The following STX11 variants were observed in gnomAD, a reference collection of about 807,000 sequenced individuals.
The protein encoded by STX11 is syntaxin 11, also known as syntaxin-11.
A neutral mutation model predicts 19.9 loss-of-function variants in STX11; 21 were observed. The ratio of observed to expected loss-of-function variants is 1.06; its 90% CI spans 0.75 to 1.52. The LOEUF is 1.52. STX11 is among the 40% of genes most tolerant of loss of function. The pLI, the probability that STX11 is intolerant of heterozygous loss-of-function variation, is 0.00. For missense variants in STX11, 438 were observed against 405.9 expected, an observed-to-expected ratio of 1.08 and a Z score of -0.68; for synonymous variants, 193 against 174.4, an observed-to-expected ratio of 1.11 and a Z score of -0.84.
In STX11 at chr6:144,176,566, G is replaced by A. The variant is rs1241055377; in HGVS notation, c.-5-10057G>A. Among the ~76,000 whole-genome samples the A allele has an allele frequency of 6.6e-6, 1 of 152,128 alleles. No individual in the cohort carries two copies. Among genetic ancestry groups the A allele is most frequent in the East Asian group, 1.9e-4 (1 of 5,186 alleles). On this transcript the variant is annotated intron_variant, in intron 1 of 1. Transcript: ENST00000367568. The surrounding 1 kb of genome is among the most constrained non-coding windows in gnomAD (Gnocchi z 4.1). The stretch of plus-strand genomic sequence containing the variant: ...ACGCAGAAAGTTACTATTATAGAAT[G>A]TTTGCTTCTCGAATGTCTTTGCTTG...
At position 144,155,059 on chromosome 6, in the gene STX11, T is replaced by C. The variant is rs1310146442; in HGVS notation, c.-6+4356T>C. On this transcript the variant is annotated intron_variant, in intron 1 of 1. Transcript: ENST00000367568. This position sits in a 1 kb window ranked among gnomAD's most constrained non-coding sequence, Gnocchi z 4.5. Reference sequence around the variant, plus strand: ...TTGTTCAGCAATCAGGGACTAAGAATTGATCTAGGAAGAAACTGGAATAAT... The same window carrying C: ...TTGTTCAGCAATCAGGGACTAAGAACTGATCTAGGAAGAAACTGGAATAAT... 6.6e-6 allele frequency among the ~76,000 whole-genome samples: 1 copy of C among 152,178 alleles called. No individual in the cohort carries two copies. Among genetic ancestry groups the C allele is most frequent in the Non-Finnish European group, 1.5e-5 (1 of 68,032 alleles).
chr6:144,185,537 G>GAA (rs1562669310), intron 1 of STX11, among the ~76,000 whole-genome samples: 1 of 152,136 alleles, frequency 6.6e-6, no homozygotes, highest in Non-Finnish European at 1.5e-5. Flanking sequence ...GCCTTACTAA[G>GAA]CAGAGGAATT....
chr6:144,158,761 G>T (rs1270138527), intron 1 of STX11, among the ~76,000 whole-genome samples: 3 of 152,190 alleles, frequency 2.0e-5, no homozygotes, highest in Non-Finnish European at 2.9e-5. Flanking sequence ...ATGTAGGATG[G>T]TATATTATCT....
Position 144,186,972 on chromosome 6 carries a change from G to C in STX11, c.345G>C (p.Glu115Asp), listed in dbSNP as rs780990510. Residue 115 changes from glutamate to aspartate, a missense_variant, in exon 2 of 2, where the codon GAG becomes GAC. By Grantham distance (45) the Glu-to-Asp change is conservative. Coordinates refer to ENST00000367568, the MANE Select transcript of STX11 (RefSeq NM_003764.4). The stretch of plus-strand genomic sequence containing the variant: ...TGAAGGAGCTGAGCGAGGCGGCTGA[G>C]GCCCAGCACGGCCCGCACTCGGCAG... ...RAMKELSEAA[E>D]AQHGPHSAVA... 1 of 1,608,850 alleles carries C rather than the reference G, an allele frequency of 6.2e-7. No homozygotes were observed. Among genetic ancestry groups the C allele is most frequent in the Admixed American group, 1.7e-5 (1 of 59,946 alleles).
chr6:144,159,281 T>G lies in STX11; in HGVS notation c.-6+8578T>G, dbSNP rs1298484652. On this transcript the variant is annotated intron_variant, in intron 1 of 1. Coordinates refer to ENST00000367568, the MANE Select transcript of STX11 (RefSeq NM_003764.4). The surrounding 1 kb of genome is among the most constrained non-coding windows in gnomAD (Gnocchi z 4.3). The stretch of plus-strand genomic sequence containing the variant: ...GAAGCTTATGGGCAAGCAGAGAAGA[T>G]AAGTAACAATTGAATATGTTATCAA... Among the ~76,000 whole-genome samples the G allele has an allele frequency of 6.6e-6, 1 of 152,174 alleles. No homozygotes were observed. Among genetic ancestry groups the G allele is most frequent in the Non-Finnish European group, 1.5e-5 (1 of 68,024 alleles).
chr6:144,147,402 A>C (rs60762289), upstream of STX11, among the ~76,000 whole-genome samples: 2 of 152,124 alleles, frequency 1.3e-5, no homozygotes, highest in African/African-American at 2.4e-5. The surrounding 1 kb of genome is among the most constrained non-coding windows in gnomAD (Gnocchi z 4.2). Context: ...TTTTACAAAA[A>C]TTTTTTTAAT....
chr6:144,166,698 G>A (rs571880000), intron 1 of STX11, among the ~76,000 whole-genome samples: 4 of 151,742 alleles, frequency 2.6e-5, no homozygotes, highest in African/African-American at 9.7e-5. Flanking sequence ...GCTAATTTTT[G>A]TATTTTTAGT....
the STX11 span, among the ~76,000 whole-genome samples, chr6:144,144,514 A>C: frequency 6.6e-6 from 1 of 152,230 alleles, no homozygotes; most frequent in Non-Finnish European, 1.5e-5. Flanking sequence ...ACCAGAATCT[A>C]GAAAGTGCTG....
Position 144,186,991 on chromosome 6 carries a change from T to G in STX11, c.364T>G (p.Ser122Ala). The change falls in exon 2 of 2, where the codon TCG becomes GCG. Residue 122 changes from serine to alanine, a missense_variant. Ser to Ala is a moderately conservative substitution (Grantham distance 99, BLOSUM62 1). Transcript: ENST00000367568. ...EAAEAQHGPH[S>A]AVARISRAQY... ...GGCTGAGGCCCAGCACGGCCCGCAC[T>G]CGGCAGTGGCGCGCATTTCGCGGGC... The G allele has an allele frequency of 6.2e-7, 1 of 1,609,850 alleles. No homozygotes were observed. The highest frequency in any genetic ancestry group is 2.2e-5 in the East Asian group (1 of 44,860).
chr6:144,155,992 TTCTTTCTTTCTTTCTTTCTTTC>T lies in STX11; in HGVS notation c.-6+5293_-6+5314del, dbSNP rs1479017595. ...TTTCTTTCTTTCTTTCTTTCTTTCT[TTCTTTCTTTCTTTCTTTCTTTC>T]TCTCTTTCTCTCCTTCCTTCCTTCC... On this transcript the variant is annotated intron_variant, in intron 1 of 1. Coordinates refer to ENST00000367568, the MANE Select transcript of STX11 (RefSeq NM_003764.4). The surrounding 1 kb of genome is among the most constrained non-coding windows in gnomAD (Gnocchi z 4.5). Among the ~76,000 whole-genome samples, 108 of 130,880 alleles carry T rather than the reference TTCTTTCTTTCTTTCTTTCTTTC, an allele frequency of 8.3e-4. 1 individual carries two copies. The highest frequency in any genetic ancestry group is 3.8e-3 in the African/African-American group (100 of 26,142). The allele number at this position is 130,880 out of a possible 152,430, so 85.9% of individuals were successfully genotyped here. A position where few individuals can be genotyped will look rare whatever the true frequency, so the allele number is the denominator to read the frequency against.
rs985916505 is a variant in STX11 at position 144,172,252 on chromosome 6, C to A, written c.-5-14371C>A. Reference sequence around the variant, plus strand: ...GTAAACCTTCCACAACAGTCTCTGGCAGATAGTAAGCACCTGTGATTCTTC... The same window carrying A: ...GTAAACCTTCCACAACAGTCTCTGGAAGATAGTAAGCACCTGTGATTCTTC... On this transcript the variant is annotated intron_variant, in intron 1 of 1. Transcript: ENST00000367568. The surrounding 1 kb of genome is among the most constrained non-coding windows in gnomAD (Gnocchi z 4.2). Among the ~76,000 whole-genome samples, 3 of 152,194 alleles carry A rather than the reference C, an allele frequency of 2.0e-5. No individual in the cohort carries two copies. Among genetic ancestry groups the A allele is most frequent in the Non-Finnish European group, 4.4e-5 (3 of 68,040 alleles).
upstream of STX11, among the ~76,000 whole-genome samples, chr6:144,149,543 C>A (rs533035186): frequency 6.6e-6 from 1 of 152,338 alleles, no homozygotes; most frequent in Admixed American, 6.5e-5. The surrounding 1 kb of genome is among the most constrained non-coding windows in gnomAD (Gnocchi z 5.1). Flanking sequence ...GTGGCGCGAT[C>A]TCGGCTCACT....
In STX11 at chr6:144,190,877, A is replaced by G. The variant is rs1802195208; in HGVS notation, c.*3386A>G. 1.3e-5 allele frequency among the ~76,000 whole-genome samples: 2 copies of G among 152,124 alleles called. No homozygotes were observed. The highest frequency in any genetic ancestry group is 4.2e-4 in the South Asian group (2 of 4,814). On this transcript the variant is annotated 3_prime_UTR_variant, in exon 2 of 2. Coordinates refer to ENST00000367568, the MANE Select transcript of STX11 (RefSeq NM_003764.4). ...TTCACCAAAGCCCTTCCTGGCTCTG[A>G]CTGCCACACCAGGCAGTGGGTGAAA...
chr6:144,189,849 T>C lies in STX11; in HGVS notation c.*2358T>C, dbSNP rs1802169784. Among the ~76,000 whole-genome samples the C allele has an allele frequency of 6.6e-6, 1 of 152,216 alleles. No individual in the cohort carries two copies. The highest frequency in any genetic ancestry group is 6.5e-5 in the Admixed American group (1 of 15,286). ...ATCACCTTTGACTTAATTTGCTTTC[T>C]CTAAGGGAAAGGGGAAAAAATGTTC... is the stretch of plus-strand genomic sequence containing the variant. On this transcript the variant is annotated 3_prime_UTR_variant, in exon 2 of 2. Coordinates refer to ENST00000367568, the MANE Select transcript of STX11 (RefSeq NM_003764.4).
At chr6:144,185,736 C>T (rs910594738) in intron 1 of STX11, among the ~76,000 whole-genome samples, 1 of 152,270 alleles carries the variant, frequency 6.6e-6, no homozygotes, top group Middle Eastern at 3.4e-3. Context: ...GTGTTATTTA[C>T]GATGCTTATC....
chr6:144,177,346 C>T lies in STX11; in HGVS notation c.-5-9277C>T, dbSNP rs1422940684. 2.6e-5 allele frequency among the ~76,000 whole-genome samples: 4 copies of T among 151,910 alleles called. No individual in the cohort carries two copies. Among genetic ancestry groups the T allele is most frequent in the African/African-American group, 7.3e-5 (3 of 41,326 alleles). On this transcript the variant is annotated intron_variant, in intron 1 of 1. Transcript: ENST00000367568. The surrounding 1 kb of genome is among the most constrained non-coding windows in gnomAD (Gnocchi z 4.4). ...AAATCAGATGTAAGAGTTACAACAA[C>T]TGTTTTAGTTTGTAAATACTAATAG...
Position 144,150,753 on chromosome 6 carries a change from C to T in STX11, c.-6+50C>T, listed in dbSNP as rs1182370719. 8.9e-6 allele frequency: 5 copies of T among 564,364 alleles called. 1 individual carries two copies. The highest frequency in any genetic ancestry group is 9.4e-4 in the Middle Eastern group (1 of 1,066). 35.0% of individuals were successfully genotyped at this position (564,364 alleles called of 1,614,324 possible). A position where few individuals can be genotyped will look rare whatever the true frequency, so the allele number is the denominator to read the frequency against. Reference sequence around the variant, plus strand: ...CCATTTCTCTTCCTGACTATTTTCCCCGTGCGCGGAGAGATCGGGGAGGGC... The same window carrying T: ...CCATTTCTCTTCCTGACTATTTTCCTCGTGCGCGGAGAGATCGGGGAGGGC... On this transcript the variant is annotated intron_variant, in intron 1 of 1. Coordinates refer to ENST00000367568, the MANE Select transcript of STX11 (RefSeq NM_003764.4).
chr6:144,179,007 CA>C (rs1246539803), intron 1 of STX11, among the ~76,000 whole-genome samples: 1 of 152,020 alleles, frequency 6.6e-6, no homozygotes, highest in African/African-American at 2.4e-5. Flanking sequence ...GGGCAATTTA[CA>C]AAAGAAAGAG....
the STX11 span, among the ~76,000 whole-genome samples, chr6:144,141,798 C>T: frequency 6.6e-6 from 1 of 151,962 alleles, no homozygotes; most frequent in Non-Finnish European, 1.5e-5. Flanking sequence ...CCCAACACAG[C>T]CTCCCGAGTA....
Sources: gnomAD v4.1 joint callset for allele counts (sites outside exome capture counted in the v4.1 genomes callset) on GRCh38, gnomAD v4.1.1 for gene constraint, Gnocchi (gnomAD v3.1) non-coding constraint, MANE v1.5 for transcripts, NCBI Gene and HGNC (gene_info 2026-07-23, HGNC 2026-07-21) for gene names.